The following RNLS variants were observed in gnomAD, a reference collection of about 807,000 sequenced individuals.
The protein encoded by RNLS is renalase.
Under a neutral mutation model 39.8 loss-of-function variants are expected in RNLS, and 39 were observed. The ratio of observed to expected loss-of-function variants is 0.98; its 90% CI spans 0.76 to 1.28. The LOEUF is 1.28. Ranked by LOEUF, RNLS falls within the 50% of genes most tolerant of loss-of-function variation. The pLI, the probability that RNLS is intolerant of heterozygous loss-of-function variation, is 0.00. For missense variants in RNLS, 410 were observed against 413.3 expected (o/e 0.99, Z 0.07); for synonymous variants, 147 against 150.7 (o/e 0.98, Z 0.18).
chr10:88,185,486 C>G, the RNLS span, among the ~76,000 whole-genome samples: 1 of 152,106 alleles, frequency 6.6e-6, no homozygotes, highest in Non-Finnish European at 1.5e-5. Context: ...CATACTATCT[C>G]TGCCTCAAAA....
chr10:88,438,614 T>C (rs1841542098), intron 4 of RNLS, among the ~76,000 whole-genome samples: 1 of 152,174 alleles, frequency 6.6e-6, no homozygotes, highest in Non-Finnish European at 1.5e-5. Context: ...TTTCTTTCCC[T>C]CTCTCTCGAG....
chr10:88,293,454 G>A (rs1359298889), intron 6 of RNLS, among the ~76,000 whole-genome samples: 1 of 152,002 alleles, frequency 6.6e-6, no homozygotes, highest in African/African-American at 2.4e-5. Flanking sequence ...TTCCCAAAAG[G>A]CAATCTGTGG....
the RNLS span, chr10:88,259,293 G>A: frequency 5.3e-5 from 8 of 152,128 alleles, no homozygotes; most frequent in African/African-American, 1.9e-4. Flanking sequence ...CTCCAACTTG[G>A]CAGAAACTAT....
At chr10:88,246,828 G>A in the RNLS span, among the ~76,000 whole-genome samples, 1 of 152,156 alleles carries the variant, frequency 6.6e-6, no homozygotes, top group Non-Finnish European at 1.5e-5. Context: ...GTTGTGAGCA[G>A]ACAACCATTT....
At chr10:88,445,259 A>G (rs1343044109) in intron 4 of RNLS, among the ~76,000 whole-genome samples, 1 of 152,162 alleles carries the variant, frequency 6.6e-6, no homozygotes, top group Non-Finnish European at 1.5e-5. Flanking sequence ...TTTACAGACA[A>G]CCAAATGCTG....
intron 4 of RNLS, among the ~76,000 whole-genome samples, chr10:88,565,747 CTTTTTTT>C (rs34655092): frequency 1.0e-5 from 1 of 98,062 alleles, no homozygotes; most frequent in African/African-American, 4.1e-5. Context: ...CGTTATCTTT[CTTTTTTT>C]TTTTTTTTTT....
the RNLS span, among the ~76,000 whole-genome samples, chr10:88,261,992 A>C: frequency 1.3e-5 from 2 of 152,188 alleles, no homozygotes; most frequent in Non-Finnish European, 2.9e-5. Flanking sequence ...ACAAATGAGT[A>C]GGAGTTCATA....
chr10:88,556,507 A>G (rs1488829664), intron 4 of RNLS, among the ~76,000 whole-genome samples: 1 of 152,156 alleles, frequency 6.6e-6, no homozygotes, highest in Non-Finnish European at 1.5e-5. Flanking sequence ...CTTTCCTGAA[A>G]TGGCTTCCCA....
the RNLS span, among the ~76,000 whole-genome samples, chr10:88,210,138 C>T: frequency 2.6e-5 from 4 of 152,316 alleles, no homozygotes; most frequent in South Asian, 8.3e-4. Flanking sequence ...AATTCCCTGT[C>T]ATTACTTTAT....
intron 4 of RNLS, among the ~76,000 whole-genome samples, chr10:88,450,906 G>A (rs1842324527): frequency 1.3e-5 from 2 of 152,150 alleles, no homozygotes; most frequent in South Asian, 4.1e-4. Context: ...AGTTGTCAGA[G>A]AAGGGTTTGT....
chr10:88,183,579 A>T, the RNLS span, among the ~76,000 whole-genome samples: 1 of 152,142 alleles, frequency 6.6e-6, no homozygotes, highest in East Asian at 1.9e-4. Context: ...ACAGAAAAAA[A>T]TCCATACTAC....
chr10:88,440,028 C>T (rs1452655476), intron 4 of RNLS, among the ~76,000 whole-genome samples: 2 of 152,162 alleles, frequency 1.3e-5, no homozygotes, highest in African/African-American at 2.4e-5. Context: ...GTCACTCCCA[C>T]TAGATTATAA....
At chr10:88,273,268 A>G (rs866079693), downstream of RNLS, among the ~76,000 whole-genome samples, 7 of 152,358 alleles carry the variant, frequency 4.6e-5, no homozygotes, top group South Asian at 1.4e-3. Flanking sequence ...CTGACTGCTC[A>G]TTGTGAAAAT....
intron 4 of RNLS, among the ~76,000 whole-genome samples, chr10:88,452,540 T>C (rs562391847): frequency 6.6e-6 from 1 of 152,114 alleles, no homozygotes; most frequent in South Asian, 2.1e-4. Context: ...CATGGGAAGG[T>C]GTAAAAGTGT....
chr10:88,454,277 A>G (rs1352633859), intron 4 of RNLS, among the ~76,000 whole-genome samples: 2 of 152,218 alleles, frequency 1.3e-5, no homozygotes, highest in African/African-American at 2.4e-5. Context: ...AGATTTGATA[A>G]TTAGGAGGCC....
chr10:88,510,045 T>TA (rs1262795701), intron 4 of RNLS, among the ~76,000 whole-genome samples: 1 of 152,180 alleles, frequency 6.6e-6, no homozygotes, highest in Non-Finnish European at 1.5e-5. Context: ...TACATATGCC[T>TA]ACTGAGGCTT....
In RNLS at chr10:88,572,998, A is replaced by C. The variant is rs1253923186; in HGVS notation, c.431T>G (p.Val144Gly). 2 of 1,613,956 alleles carry C rather than the reference A, an allele frequency of 1.2e-6. No homozygotes were observed. The highest frequency in any genetic ancestry group is 1.7e-6 in the Non-Finnish European group (2 of 1,179,946). The change falls in exon 4 of 7, where the codon GTA (valine) becomes GGA (glycine). Residue 144 changes from valine (V) to glycine (G), a missense_variant. By Grantham distance (109) the Val-to-Gly change is moderately radical. Transcript: ENST00000331772. ...QINLRDDKWE[V>G]SKQTGSPEQF... ...CTCAGGGGAGCCTGTTTGTTTGGAT[A>C]CTTCCCATTTGTCATCTCTTAGGTT...
chr10:88,570,721 A>G (rs936733383), intron 4 of RNLS, among the ~76,000 whole-genome samples: 1 of 152,176 alleles, frequency 6.6e-6, no homozygotes, highest in Admixed American at 6.5e-5. Flanking sequence ...CTGATGGGGC[A>G]CATCTTTTCT....
intron 4 of RNLS, among the ~76,000 whole-genome samples, chr10:88,536,669 C>G (rs73355487): frequency 0.2 from 29,914 of 151,956 alleles, 3,259 homozygotes; most frequent in Middle Eastern, 0.3. Flanking sequence ...TATCTCAGAG[C>G]CCTGGCACTT....
Sources: gnomAD v4.1 joint callset for allele counts (sites outside exome capture counted in the v4.1 genomes callset) on GRCh38, gnomAD v4.1.1 for gene constraint, MANE v1.5 for transcripts, NCBI Gene and HGNC (gene_info 2026-07-23, HGNC 2026-07-21) for gene names.